Variants in ULK4 observed in about 807,000 individuals in gnomAD.
ULK4 encodes the protein inactive serine/threonine-protein kinase ULK4.
A neutral mutation model predicts 160.6 loss-of-function variants in ULK4; 133 were observed. The observed-to-expected ratio is 0.83, with a 90% confidence interval of 0.72 to 0.96. ULK4 has a LOEUF of 0.96. Among genes scored for constraint, ULK4 ranks in the 40% least tolerant of loss-of-function variants. ULK4 has a pLI of 0.00. For missense variants in ULK4, 1,580 were observed against 1,499.5 expected (o/e 1.05, Z -0.89); for synonymous variants, 534 against 539.8 (o/e 0.99, Z 0.15).
intron 35 of ULK4, 121 bp from the exon 36 acceptor site, chr3:41,249,695 G>T: frequency 1.0e-6 from 1 of 994,122 alleles, no homozygotes; most frequent in Non-Finnish European, 1.5e-6. Context: ...GCACTGGGGG[G>T]TGTCCCCTGG....
intron 30 of ULK4, among the ~76,000 whole-genome samples, chr3:41,617,194 C>G (rs2033017244): frequency 6.6e-6 from 1 of 152,226 alleles, no homozygotes; most frequent in Non-Finnish European, 1.5e-5. Flanking sequence ...TTTCATTGTT[C>G]CTGCCTGCCA....
intron 27 of ULK4, among the ~76,000 whole-genome samples, chr3:41,685,573 G>A (rs2036073751): frequency 6.6e-6 from 1 of 152,188 alleles, no homozygotes; most frequent in Admixed American, 6.5e-5. Flanking sequence ...TTCCACCACA[G>A]GAAGGAATGG....
intron 27 of ULK4, among the ~76,000 whole-genome samples, chr3:41,687,038 G>A (rs2036123551): frequency 6.6e-6 from 1 of 151,888 alleles, no homozygotes; most frequent in Admixed American, 6.6e-5. Flanking sequence ...AGCTATGAGT[G>A]CACCACTGCA....
chr3:41,681,588 C>T lies in ULK4; in HGVS notation c.2898G>A (p.Glu966=), dbSNP rs1348194845. ...TGGCCTTCTCCTTGCCATCCCCAAACTCCTGGTTCACGAGTAGAGATGTGG... is the reference window on the plus strand; with the variant it reads ...TGGCCTTCTCCTTGCCATCCCCAAATTCCTGGTTCACGAGTAGAGATGTGG... The part of the protein sequence containing the change: ...SETTSLLVNQ[E]FGDGKEKASV... The change falls in exon 29 of 37, where the codon GAG becomes GAA. Residue 966 remains glutamate (E), a synonymous_variant. Coordinates refer to ENST00000301831, the MANE Select transcript of ULK4 (RefSeq NM_017886.4). 16 of 1,614,000 alleles carry T rather than the reference C, an allele frequency of 9.9e-6. No homozygotes were observed. Among genetic ancestry groups the T allele is most frequent in the East Asian group, 4.5e-5 (2 of 44,858 alleles).
chr3:41,911,616 G>C lies in ULK4; in HGVS notation c.940C>G (p.Leu314Val), dbSNP rs1425011671. Residue 314 changes from leucine (L) to valine (V), a missense_variant, in exon 10 of 37, where the codon CTT (leucine) becomes GTT (valine). By Grantham distance (32) the Leu-to-Val change is conservative. Coordinates refer to ENST00000301831, the MANE Select transcript of ULK4 (RefSeq NM_017886.4). ...TGTCTACTCTGAGAGTTCTGCAAAA[G>C]CTCCTTGGAATCTTGTGGCCCAGAA... ...ECSGPQDSKE[L>V]LQNSQSRQAK... The C allele has an allele frequency of 1.2e-6, 2 of 1,613,918 alleles. No individual in the cohort carries two copies. The highest frequency in any genetic ancestry group is 2.2e-5 in the East Asian group (1 of 44,866).
rs1253580547 is a variant in ULK4, at chr3:41,835,933, G to C, written c.1695C>G (p.Phe565Leu). The change falls in exon 18 of 37, where the codon TTC becomes TTG. Residue 565 changes from phenylalanine (F) to leucine (L), a missense_variant. By Grantham distance (22) the Phe-to-Leu change is conservative (BLOSUM62 0). Transcript: ENST00000301831. ...VLLTELIRENFRNSKLKQCLL... is the reference protein window; with the variant it reads ...VLLTELIRENLRNSKLKQCLL... ...GGCACTGTTTTAATTTGCTGTTCCT[G>C]AAGTTTTCCCTAATTAATTCAGTTA... is the stretch of plus-strand genomic sequence containing the variant. The C allele has an allele frequency of 1.2e-6, 2 of 1,610,492 alleles. No homozygotes were observed. The highest frequency in any genetic ancestry group is 1.4e-5 in the African/African-American group (1 of 73,648).
intron 17 of ULK4, among the ~76,000 whole-genome samples, chr3:41,845,288 A>C (rs888656025): frequency 2.6e-5 from 4 of 152,164 alleles, no homozygotes; most frequent in African/African-American, 7.2e-5. Flanking sequence ...TCAATGGGTA[A>C]GTGGTTAAAT....
intron 35 of ULK4, 70 bp from the exon 36 acceptor site, chr3:41,249,644 A>G: frequency 6.7e-7 from 1 of 1,492,904 alleles, no homozygotes; most frequent in Non-Finnish European, 9.2e-7. Context: ...TTGGATGGGC[A>G]CCCTGAGTAT....
At chr3:41,258,528 G>A (rs2078881293) in intron 35 of ULK4, 1 of 152,138 alleles carries the variant, frequency 6.6e-6, no homozygotes, top group African/African-American at 2.4e-5. Context: ...TTTCATTACT[G>A]GCAGTCAGTT....
chr3:41,801,385 T>C (rs1425190370), intron 19 of ULK4, among the ~76,000 whole-genome samples: 1 of 151,924 alleles, frequency 6.6e-6, no homozygotes, highest in Non-Finnish European at 1.5e-5. Context: ...ACCTAATAAA[T>C]GTGTAGTTGG....
intron 34 of ULK4, among the ~76,000 whole-genome samples, chr3:41,454,085 C>G (rs911481526): frequency 6.8e-5 from 10 of 148,072 alleles, no homozygotes; most frequent in South Asian, 4.4e-4. Flanking sequence ...TAAATGATGA[C>G]TTAATGGGTG....
At chr3:41,809,560 TATAG>T (rs770746658) in intron 19 of ULK4, among the ~76,000 whole-genome samples, 8 of 152,168 alleles carry the variant, frequency 5.3e-5, no homozygotes, top group Non-Finnish European at 1.2e-4. Flanking sequence ...TAAAAGTAAA[TATAG>T]ATAATCAGTT....
intron 27 of ULK4, among the ~76,000 whole-genome samples, chr3:41,689,764 T>C (rs1031248372): frequency 3.9e-5 from 6 of 152,064 alleles, no homozygotes; most frequent in Non-Finnish European, 8.8e-5. Flanking sequence ...CCAGTTAGAA[T>C]GGTGATCATT....
intron 29 of ULK4, among the ~76,000 whole-genome samples, chr3:41,668,811 G>T (rs1249862434): frequency 1.3e-5 from 2 of 152,092 alleles, no homozygotes; most frequent in African/African-American, 4.8e-5. Flanking sequence ...TACCAAAAAT[G>T]AGTAAATTGT....
At chr3:41,318,697 G>A (rs2080190943) in intron 35 of ULK4, among the ~76,000 whole-genome samples, 2 of 152,210 alleles carry the variant, frequency 1.3e-5, no homozygotes, top group South Asian at 2.1e-4. Context: ...CCAGCCACCT[G>A]AGTCATCCCG....
intron 17 of ULK4, among the ~76,000 whole-genome samples, chr3:41,844,526 C>T (rs1272031458): frequency 6.6e-6 from 1 of 152,266 alleles, no homozygotes; most frequent in Non-Finnish European, 1.5e-5. Flanking sequence ...CACACAGCCC[C>T]GGTTGCCGCT....
At position 41,388,154 on chromosome 3, in the gene ULK4, T is replaced by C. The variant is rs144464058; in HGVS notation, c.3678+9925A>G. Among the ~76,000 whole-genome samples, 1,279 of 152,326 alleles carry C rather than the reference T, an allele frequency of 8.4e-3. 23 individuals carry two copies. Among genetic ancestry groups the C allele is most frequent in the African/African-American group, 0.029 (1,201 of 41,546 alleles). ...GATGAGCGTTTTTTCATGTGTGTTT[T>C]GGCTGCATAAATGTCTTCTTTTGAG... is the stretch of plus-strand genomic sequence containing the variant. On this transcript the variant is annotated intron_variant, in intron 35 of 36. Transcript: ENST00000301831.
At chr3:41,836,118 C>T (rs1300457696) in intron 17 of ULK4, 147 bp from the exon 18 acceptor site, 4 of 585,716 alleles carry the variant, frequency 6.8e-6, no homozygotes, top group Admixed American at 6.1e-5. Context: ...GCCTTATATT[C>T]CTGAAAATAC....
At chr3:41,514,824 T>C (rs146273343) in intron 32 of ULK4, among the ~76,000 whole-genome samples, 18 of 152,302 alleles carry the variant, frequency 1.2e-4, no homozygotes, top group African/African-American at 3.8e-4. Flanking sequence ...GGGTGCAATG[T>C]ATGCTATTCT....
Sources: allele counts gnomAD v4.1 joint callset (sites outside exome capture counted in the v4.1 genomes callset), GRCh38; gene constraint gnomAD v4.1.1; transcripts MANE v1.5; gene names NCBI Gene and HGNC (gene_info 2026-07-23, HGNC 2026-07-21).